The following ABCB11 variants were observed in gnomAD, a reference collection of about 807,000 sequenced individuals.
ABCB11 encodes ATP binding cassette subfamily B member 11, also known as bile salt export pump.
ABCB11 carries 95 observed loss-of-function variants against 148.0 expected under a neutral mutation model. The observed-to-expected ratio is 0.64, with a 90% CI of 0.54 to 0.76. ABCB11 has a LOEUF of 0.76. Ranked by LOEUF, ABCB11 falls within the 30% of genes least tolerant of loss-of-function variation. The probability of loss-of-function intolerance (pLI) is 0.00; values close to 1 mark genes in which losing one functional copy is unlikely to be tolerated. For missense variants in ABCB11, 1,523 were observed against 1,617.8 expected (o/e 0.94, Z 1.01); for synonymous variants, 591 against 555.4 (o/e 1.06, Z -0.90).
At chr2:168,930,332 A>T (rs376886139) in intron 25 of ABCB11, among the ~76,000 whole-genome samples, 2 of 152,114 alleles carry the variant, frequency 1.3e-5, no homozygotes, top group African/African-American at 4.8e-5. Flanking sequence ...ATTCCTGGTC[A>T]TTAGTTTCCT....
intron 18 of ABCB11, among the ~76,000 whole-genome samples, chr2:168,960,080 A>T (rs946181074): frequency 1.3e-5 from 2 of 151,492 alleles, no homozygotes; most frequent in Non-Finnish European, 3.0e-5. Context: ...TGTTCTAGAG[A>T]GTGGTTGGTA....
At chr2:169,024,552 C>G (rs1695636560) in intron 1 of ABCB11, among the ~76,000 whole-genome samples, 1 of 75,240 alleles carries the variant, frequency 1.3e-5, no homozygotes, top group Non-Finnish European at 3.4e-5. Context: ...TATTAACGTA[C>G]CAATGTGCAC....
At chr2:168,979,672 CAAAAAAAAAAAAAAAA>C (rs55859131) in intron 11 of ABCB11, among the ~76,000 whole-genome samples, 178 bp downstream of exon 11, 2 of 100,146 alleles carry the variant, frequency 2.0e-5, no homozygotes. Context: ...AACTCCATCT[CAAAAAAAAAAAAAAAA>C]AAAAAAAAAA....
At chr2:168,965,004 G>A (rs1248713087) in intron 17 of ABCB11, among the ~76,000 whole-genome samples, 3 of 151,798 alleles carry the variant, frequency 2.0e-5, no homozygotes, top group African/African-American at 7.2e-5. Flanking sequence ...TTATAGAAGA[G>A]GCCTGTACCA....
Position 169,029,724 on chromosome 2 carries a change from CTTTTTTT to C in ABCB11, c.-28+1494_-28+1500del, listed in dbSNP as rs1166356679. ...GTCTCTAAATGTACAGTTCTTTCCT[CTTTTTTT>C]TTTTTTTTTTTTTTTTTTTTTGAGA... On this transcript the variant is annotated intron_variant, in intron 1 of 27. Transcript: ENST00000650372. 4.4e-4 allele frequency among the ~76,000 whole-genome samples: 39 copies of C among 88,288 alleles called. 1 individual carries two copies. The highest frequency in any genetic ancestry group is 9.2e-4 in the African/African-American group (16 of 17,422). 57.9% of individuals were successfully genotyped at this position (88,288 alleles called of 152,430 possible). A position where few individuals can be genotyped will look rare whatever the true frequency, so the allele number is the denominator to read the frequency against.
At chr2:168,963,769 A>C (rs1325266272) in intron 18 of ABCB11, among the ~76,000 whole-genome samples, 1 of 151,942 alleles carries the variant, frequency 6.6e-6, no homozygotes, top group African/African-American at 2.4e-5. Flanking sequence ...AGCCTATTCA[A>C]ACACTTTTGT....
chr2:168,970,207 G>T lies in ABCB11; in HGVS notation c.1647C>A (p.Asp549Glu). Reference protein sequence around the residue: ...NFIMDLPQQFDTLVGEGGGQM... With the variant: ...NFIMDLPQQFETLVGEGGGQM... Reference sequence around the variant, plus strand: ...GGCCTCCTCCTTCTCCAACAAGGGTGTCAAATTGCTAGATGGAAGGTGACA... The same window carrying T: ...GGCCTCCTCCTTCTCCAACAAGGGTTTCAAATTGCTAGATGGAAGGTGACA... The change falls in exon 15 of 28, where the codon GAC becomes GAA. Residue 549 changes from aspartate to glutamate, a missense_variant. Coordinates refer to ENST00000650372, the MANE Select transcript of ABCB11 (RefSeq NM_003742.4). 6.2e-7 allele frequency: 1 copy of T among 1,611,430 alleles called. No homozygotes were observed. The highest frequency in any genetic ancestry group is 8.5e-7 in the Non-Finnish European group (1 of 1,178,488).
chr2:168,922,791 G>T lies in ABCB11; in HGVS notation c.*831C>A, dbSNP rs1327975685. On this transcript the variant is annotated 3_prime_UTR_variant, in exon 28 of 28. Transcript: ENST00000650372. The stretch of plus-strand genomic sequence containing the variant: ...TTGTATAAAACCTTATGAAACTACA[G>T]CAAAGTAAAATGCGCTATTTTCATT... 2.6e-5 allele frequency: 4 copies of T among 152,120 alleles called. No homozygotes were observed. Among genetic ancestry groups the T allele is most frequent in the Admixed American group, 2.6e-4 (4 of 15,280 alleles). The allele number at this position is 152,120 out of a possible 1,614,324, so 9.4% of individuals were successfully genotyped here.
intron 5 of ABCB11, among the ~76,000 whole-genome samples, chr2:168,998,878 G>C (rs754998750): frequency 3.3e-5 from 5 of 152,064 alleles, no homozygotes; most frequent in African/African-American, 1.2e-4. Flanking sequence ...GGAAGAAGAG[G>C]TGATTAAGGC....
chr2:168,945,289 A>T (rs930838232), intron 19 of ABCB11, among the ~76,000 whole-genome samples: 1 of 151,804 alleles, frequency 6.6e-6, no homozygotes, highest in African/African-American at 2.4e-5. Context: ...TCTAAAAAAT[A>T]AAGTCTTTTA....
At chr2:168,966,911 A>G (rs1693344364) in intron 17 of ABCB11, among the ~76,000 whole-genome samples, 1 of 151,872 alleles carries the variant, frequency 6.6e-6, no homozygotes. Context: ...AACATTTGTG[A>G]GAAATTATAG....
At chr2:168,957,763 C>A (rs1399642009) in intron 19 of ABCB11, among the ~76,000 whole-genome samples, 1 of 151,530 alleles carries the variant, frequency 6.6e-6, no homozygotes, top group African/African-American at 2.4e-5. Flanking sequence ...TGTCTGAGTG[C>A]CCTGCGAGCC....
chr2:168,933,603 C>T (rs1191340044), intron 23 of ABCB11, among the ~76,000 whole-genome samples: 1 of 152,100 alleles, frequency 6.6e-6, no homozygotes, highest in Non-Finnish European at 1.5e-5. Context: ...TGTTTTAGGC[C>T]AGAATTGCAA....
chr2:168,931,081 T>C (rs564720916), intron 24 of ABCB11, among the ~76,000 whole-genome samples: 4 of 152,276 alleles, frequency 2.6e-5, no homozygotes, highest in African/African-American at 7.2e-5. Context: ...TTAAAGACAT[T>C]TGACTCCCCC....
In ABCB11 at chr2:168,944,946, C is replaced by T. The variant is rs1250716432; in HGVS notation, c.2359G>A (p.Asp787Asn). 1.3e-6 allele frequency: 2 copies of T among 1,553,246 alleles called. No individual in the cohort carries two copies. The highest frequency in any genetic ancestry group is 3.4e-4 in the Middle Eastern group (2 of 5,840). The change falls in exon 20 of 28, where the codon GAT becomes AAT. Residue 787 changes from aspartate (D) to asparagine (N), a missense_variant. By Grantham distance (23) the Asp-to-Asn change is conservative. Coordinates refer to ENST00000650372, the MANE Select transcript of ABCB11 (RefSeq NM_003742.4). ...ATCTGTGACCTTTGTTCCTCTTTAT[C>T]AGGAATTGAAAAAGTCTTGGAAAGA... ...SQILGTFSIP[D>N]KEEQRSQING...
At position 168,975,563 on chromosome 2, in the gene ABCB11, T is replaced by A. The variant is rs867383982; in HGVS notation, c.1308+1014A>T. The stretch of plus-strand genomic sequence containing the variant: ...TAAATATATAAATACATAAATATTT[T>A]TATATTTATAGATAAATATATAAAT... On this transcript the variant is annotated intron_variant, in intron 12 of 27. Transcript: ENST00000650372. Among the ~76,000 whole-genome samples the A allele has an allele frequency of 5.0e-3, 181 of 36,018 alleles. 54 individuals carry two copies. Among genetic ancestry groups the A allele is most frequent in the East Asian group, 0.014 (8 of 578 alleles). 23.6% of individuals were successfully genotyped at this position (36,018 alleles called of 152,430 possible).
At chr2:168,924,074 C>A (rs1156380893) in intron 27 of ABCB11, among the ~76,000 whole-genome samples, 2 of 152,140 alleles carry the variant, frequency 1.3e-5, no homozygotes, top group African/African-American at 4.8e-5. Flanking sequence ...CATAATTTTA[C>A]AATATTTGAT....
chr2:168,989,259 T>G (rs1694432704), intron 9 of ABCB11, among the ~76,000 whole-genome samples: 1 of 152,156 alleles, frequency 6.6e-6, no homozygotes, highest in African/African-American at 2.4e-5. Flanking sequence ...CAGTTTTATA[T>G]CCTACATTTA....
At chr2:168,990,981 G>T in intron 8 of ABCB11, 56 bp from the exon 9 acceptor site, 1 of 1,579,336 alleles carries the variant, frequency 6.3e-7, no homozygotes, top group East Asian at 2.2e-5. Context: ...AGGTAAGTCA[G>T]TCTGTCATTC....
Sources: gnomAD v4.1 joint callset for allele counts (sites outside exome capture counted in the v4.1 genomes callset) on GRCh38, gnomAD v4.1.1 for gene constraint, MANE v1.5 for transcripts, NCBI Gene and HGNC (gene_info 2026-07-23, HGNC 2026-07-21) for gene names.